Variants in PKHD1 observed in about 807,000 individuals in gnomAD.
PKHD1 encodes the protein fibrocystin.
Under a neutral mutation model 412.0 loss-of-function variants are expected in PKHD1, and 291 were observed. The ratio of observed to expected loss-of-function variants is 0.71; its 90% confidence interval spans 0.64 to 0.78. The LOEUF is 0.78. Ranked by LOEUF, PKHD1 falls within the 30% of genes least tolerant of loss-of-function variation. The pLI, the probability that PKHD1 is intolerant of heterozygous loss-of-function variation, is 0.00. For missense variants in PKHD1, 4,825 were observed against 4,950.7 expected (o/e 0.97, Z 0.76); for synonymous variants, 1,777 against 1,821.5 (o/e 0.98, Z 0.62).
At chr6:51,834,239 C>T (rs997532096) in intron 51 of PKHD1, among the ~76,000 whole-genome samples, 8 of 152,056 alleles carry the variant, frequency 5.3e-5, no homozygotes, top group Admixed American at 1.3e-4. Flanking sequence ...ATGAGTTGTT[C>T]GCTGATGGGG....
chr6:51,913,436 G>A (rs1376645110), intron 37 of PKHD1, among the ~76,000 whole-genome samples: 1 of 152,064 alleles, frequency 6.6e-6, no homozygotes, highest in Non-Finnish European at 1.5e-5. Context: ...AAAGATTCAA[G>A]AAGGTCATCT....
intron 37 of PKHD1, among the ~76,000 whole-genome samples, chr6:51,923,119 C>G (rs1268934570): frequency 6.6e-6 from 1 of 152,046 alleles, no homozygotes; most frequent in African/African-American, 2.4e-5. Context: ...TTCATGGGTT[C>G]CAAGGATTAG....
chr6:51,916,274 T>A (rs942064665), intron 37 of PKHD1, among the ~76,000 whole-genome samples: 9 of 152,156 alleles, frequency 5.9e-5, no homozygotes, highest in African/African-American at 2.2e-4. Context: ...CCCAAGTGAG[T>A]ATATAATATT....
intron 63 of PKHD1, among the ~76,000 whole-genome samples, chr6:51,647,164 T>TA (rs1770196022): frequency 6.6e-6 from 1 of 152,204 alleles, no homozygotes; most frequent in South Asian, 2.1e-4. Context: ...TTTGACAACA[T>TA]AAAAATACAA....
intron 63 of PKHD1, among the ~76,000 whole-genome samples, chr6:51,642,670 T>A (rs1482283517): frequency 6.6e-6 from 1 of 152,126 alleles, no homozygotes; most frequent in African/African-American, 2.4e-5. Flanking sequence ...CAAAACCCCG[T>A]CTTTACTAAA....
At chr6:51,755,332 C>T (rs547377196) in intron 55 of PKHD1, among the ~76,000 whole-genome samples, 6 of 152,190 alleles carry the variant, frequency 3.9e-5, no homozygotes, top group Non-Finnish European at 7.4e-5. Context: ...AAATATAATG[C>T]CATTTTTTGA....
At chr6:51,654,841 T>C (rs1476432740) in intron 61 of PKHD1, among the ~76,000 whole-genome samples, 2 of 152,122 alleles carry the variant, frequency 1.3e-5, no homozygotes, top group African/African-American at 2.4e-5. Context: ...TGAATCGTCA[T>C]AACAAATGTG....
intron 62 of PKHD1, among the ~76,000 whole-genome samples, chr6:51,648,801 AGAG>A (rs1172693568): frequency 1.3e-5 from 2 of 152,240 alleles, no homozygotes; most frequent in African/African-American, 4.8e-5. Flanking sequence ...GCTAGATTTC[AGAG>A]AAGATGTGAC....
chr6:51,776,519 C>T (rs1042607353), intron 53 of PKHD1, among the ~76,000 whole-genome samples: 6 of 152,020 alleles, frequency 3.9e-5, no homozygotes, highest in Admixed American at 6.6e-5. Flanking sequence ...CTGCCTGATA[C>T]ACTGTCTATG....
At chr6:51,793,320 T>A (rs1794058119) in intron 52 of PKHD1, among the ~76,000 whole-genome samples, 1 of 152,052 alleles carries the variant, frequency 6.6e-6, no homozygotes, top group African/African-American at 2.4e-5. Flanking sequence ...AACAAGAGGG[T>A]TTTGCCTCCA....
intron 60 of PKHD1, among the ~76,000 whole-genome samples, chr6:51,683,870 C>T (rs2150579096): frequency 6.6e-6 from 1 of 152,108 alleles, no homozygotes; most frequent in South Asian, 2.1e-4. Context: ...CAGTGTTTGC[C>T]TTCATGGAGC....
chr6:51,839,192 A>C (rs938938782), intron 50 of PKHD1, among the ~76,000 whole-genome samples: 1 of 152,226 alleles, frequency 6.6e-6, no homozygotes, highest in Admixed American at 6.5e-5. Context: ...AAATACAAAG[A>C]GGGATGAAAA....
intron 7 of PKHD1, 66 bp from the exon 8 acceptor site, chr6:52,072,255 C>T: frequency 1.0e-6 from 1 of 982,458 alleles, no homozygotes; most frequent in Non-Finnish European, 1.6e-6. Context: ...AATAAACATT[C>T]CTCACAAAAC....
chr6:52,043,244 C>T (rs1457967649), intron 26 of PKHD1, 110 bp from the exon 27 acceptor site: 3 of 860,044 alleles, frequency 3.5e-6, no homozygotes, highest in African/African-American at 3.4e-5. Flanking sequence ...CCCCCATCCC[C>T]TCCCAAAATT....
At chr6:51,892,476 C>T (rs999032339) in intron 43 of PKHD1, among the ~76,000 whole-genome samples, 2 of 152,166 alleles carry the variant, frequency 1.3e-5, no homozygotes, top group Non-Finnish European at 2.9e-5. Flanking sequence ...GTATTCAGTG[C>T]ATAGATACCA....
At chr6:52,011,424 C>T (rs1358874843) in intron 34 of PKHD1, among the ~76,000 whole-genome samples, 3 of 152,154 alleles carry the variant, frequency 2.0e-5, no homozygotes, top group Non-Finnish European at 4.4e-5. Context: ...AAAAGTGTAA[C>T]CCAAAGAGAT....
chr6:51,668,052 C>T (rs1220100075), intron 60 of PKHD1, among the ~76,000 whole-genome samples: 3 of 151,946 alleles, frequency 2.0e-5, no homozygotes, highest in East Asian at 3.9e-4. Context: ...TCCATATGAA[C>T]TTTAAAGTAG....
At position 52,076,283 on chromosome 6, in the gene PKHD1, A is replaced by C. The variant is rs1240264139; in HGVS notation, c.441T>G (p.Gly147=). The change falls in exon 6 of 67, where the codon GGT becomes GGG. Residue 147 remains glycine (G), a synonymous_variant. Coordinates refer to ENST00000371117, the MANE Select transcript of PKHD1 (RefSeq NM_138694.4). ...PIVHQVYPPS[G]VPGKLIHVYG... ...TAATAGAAGATTTCTTACCTGGAACACCACTTGGTGGATAAACTTGGTGAA... is the reference window on the plus strand; with the variant it reads ...TAATAGAAGATTTCTTACCTGGAACCCCACTTGGTGGATAAACTTGGTGAA... The C allele has an allele frequency of 6.2e-7, 1 of 1,609,132 alleles. No individual in the cohort carries two copies. Among genetic ancestry groups the C allele is most frequent in the Admixed American group, 1.7e-5 (1 of 60,008 alleles).
intron 35 of PKHD1, chr6:51,975,636 A>AAAC (rs1562029553): frequency 2.6e-5 from 4 of 151,326 alleles, no homozygotes; most frequent in South Asian, 2.1e-4. Flanking sequence ...TAAAAAAAAA[A>AAAC]AAAAACAAAA....
Sources: allele counts gnomAD v4.1 joint callset (sites outside exome capture counted in the v4.1 genomes callset), GRCh38; gene constraint gnomAD v4.1.1; transcripts MANE v1.5; gene names NCBI Gene and HGNC (gene_info 2026-07-23, HGNC 2026-07-21).